The following MARK3 variants were observed in gnomAD, a reference collection of about 807,000 sequenced individuals.
MARK3 encodes MAP/microtubule affinity-regulating kinase 3.
A neutral mutation model predicts 90.1 loss-of-function variants in MARK3; 46 were observed. The ratio of observed to expected loss-of-function variants is 0.51; its 90% CI spans 0.40 to 0.65. The LOEUF (loss-of-function observed/expected upper bound fraction) is 0.65. Among genes scored for constraint, MARK3 ranks in the 30% least tolerant of loss-of-function variants. The pLI is 0.00. For missense variants in MARK3, 818 were observed against 947.2 expected (o/e 0.86, Z 1.79); for synonymous variants, 321 against 332.6 (o/e 0.97, Z 0.38).
chr14:103,479,829 G>A (rs1402966886), intron 13 of MARK3, among the ~76,000 whole-genome samples: 2 of 151,894 alleles, frequency 1.3e-5, no homozygotes, highest in Admixed American at 6.6e-5. Context: ...TAGCAGAGAC[G>A]GGTTTTCTCC....
intron 12 of MARK3, among the ~76,000 whole-genome samples, chr14:103,474,686 A>C (rs1016161221): frequency 6.6e-6 from 1 of 152,150 alleles, no homozygotes; most frequent in Non-Finnish European, 1.5e-5. Flanking sequence ...CTTGTTACGT[A>C]TGCATCTAAT....
chr14:103,422,477 T>G (rs1045096143), intron 2 of MARK3, among the ~76,000 whole-genome samples: 1 of 151,996 alleles, frequency 6.6e-6, no homozygotes. Flanking sequence ...AAAAGAAACG[T>G]AACATACATA....
At chr14:103,462,320 T>A (rs4906326) in intron 6 of MARK3, 85 bp from the exon 7 acceptor site, 931,492 of 942,642 alleles carry the variant, frequency 0.99, 460,563 homozygotes, top group East Asian at 1. Flanking sequence ...TGAGTATTCA[T>A]TATGTGTGAA....
Position 103,442,950 on chromosome 14 carries a change from C to CA in MARK3, c.298-5969_298-5968insA, listed in dbSNP as rs1248757643. On this transcript the variant is annotated intron_variant, in intron 3 of 17. Coordinates refer to ENST00000429436, the MANE Select transcript of MARK3 (RefSeq NM_001128918.3). ...CAAAACTTTGGTGGGTGTCCCCCCCCCTCCCACCGACAAGGAAGTGAGAAG... is the reference window on the plus strand; with the variant it reads ...CAAAACTTTGGTGGGTGTCCCCCCCCACTCCCACCGACAAGGAAGTGAGAAG... 2.0e-5 allele frequency among the ~76,000 whole-genome samples: 3 copies of CA among 150,442 alleles called. 1 individual carries two copies. The highest frequency in any genetic ancestry group is 3.2e-3 in the Middle Eastern group (1 of 310).
chr14:103,503,549 C>G lies in MARK3; in HGVS notation c.*322C>G. On this transcript the variant is annotated 3_prime_UTR_variant, in exon 18 of 18. Coordinates refer to ENST00000429436, the MANE Select transcript of MARK3 (RefSeq NM_001128918.3). ...TGAAGTGGTGTATATGGAAGCATCTCCCTACACTGGCAGCCAGTCATTACT... is the reference window on the plus strand; with the variant it reads ...TGAAGTGGTGTATATGGAAGCATCTGCCTACACTGGCAGCCAGTCATTACT... 3.6e-6 allele frequency: 1 copy of G among 280,762 alleles called. No individual in the cohort carries two copies. Among genetic ancestry groups the G allele is most frequent in the South Asian group, 6.2e-5 (1 of 16,216 alleles). 17.4% of individuals were successfully genotyped at this position (280,762 alleles called of 1,614,324 possible). A position where few individuals can be genotyped will look rare whatever the true frequency, so the allele number is the denominator to read the frequency against.
chr14:103,469,834 G>T (rs981325159), intron 12 of MARK3, among the ~76,000 whole-genome samples: 1 of 151,914 alleles, frequency 6.6e-6, no homozygotes, highest in East Asian at 2.0e-4. Flanking sequence ...AGGCCGAGGC[G>T]TGTGGATCAC....
intron 6 of MARK3, among the ~76,000 whole-genome samples, chr14:103,461,379 T>G (rs1031966549): frequency 6.6e-6 from 1 of 152,190 alleles, no homozygotes; most frequent in African/African-American, 2.4e-5. Flanking sequence ...TTTTTTTAAG[T>G]GACCGTAAGT....
At chr14:103,445,985 ATTTCAGTTGTGTGCCAGCCTTGG>A (rs1393277100) in intron 3 of MARK3, among the ~76,000 whole-genome samples, 1 of 152,230 alleles carries the variant, frequency 6.6e-6, no homozygotes, top group Non-Finnish European at 1.5e-5. Context: ...AAACAAATGC[ATTTCAGTTGTGTGCCAGCCTTGG>A]TTTCAGGTAT....
chr14:103,397,493 A>AT (rs2090657223), intron 1 of MARK3, among the ~76,000 whole-genome samples: 1 of 151,616 alleles, frequency 6.6e-6, no homozygotes, highest in South Asian at 2.1e-4. Context: ...TGCCTGGCTA[A>AT]TTTTTTTATT....
chr14:103,478,760 A>G (rs2093764788), intron 13 of MARK3, among the ~76,000 whole-genome samples: 1 of 152,084 alleles, frequency 6.6e-6, no homozygotes, highest in Non-Finnish European at 1.5e-5. Flanking sequence ...TCTGGTCTCG[A>G]ACTCCCGACC....
At chr14:103,454,481 C>A (rs1212864779) in intron 5 of MARK3, among the ~76,000 whole-genome samples, 1 of 152,104 alleles carries the variant, frequency 6.6e-6, no homozygotes, top group African/African-American at 2.4e-5. Context: ...AACTCCTGAC[C>A]TCAAGTGATC....
chr14:103,499,414 C>A (rs757065608), intron 16 of MARK3: 1 of 152,202 alleles, frequency 6.6e-6, no homozygotes, highest in Non-Finnish European at 1.5e-5. Flanking sequence ...GAGCCATGAT[C>A]ATGCCACTGT....
At chr14:103,488,338 C>G (rs1422458859) in intron 14 of MARK3, among the ~76,000 whole-genome samples, 1 of 152,138 alleles carries the variant, frequency 6.6e-6, no homozygotes. Context: ...CACAGCTGTG[C>G]TCAAGCAGAA....
rs1319252278 is a variant in MARK3 at position 103,465,763 on chromosome 14, C to T, written c.747C>T (p.Gly249=). 1 of 1,614,022 alleles carries T rather than the reference C, an allele frequency of 6.2e-7. No individual in the cohort carries two copies. The highest frequency in any genetic ancestry group is 8.5e-7 in the Non-Finnish European group (1 of 1,179,950). ...LGVILYTLVS[G]SLPFDGQNLK... ...TCATTTTATACACACTAGTCAGTGGCTCACTTCCCTTTGATGGGCAAAACC... is the reference window on the plus strand; with the variant it reads ...TCATTTTATACACACTAGTCAGTGGTTCACTTCCCTTTGATGGGCAAAACC... The change falls in exon 8 of 18, where the codon GGC becomes GGT. Residue 249 remains glycine, a synonymous_variant. Coordinates refer to ENST00000429436, the MANE Select transcript of MARK3 (RefSeq NM_001128918.3).
chr14:103,448,981 T>C lies in MARK3; in HGVS notation c.346+14T>C. On this transcript the variant is annotated intron_variant, in intron 4 of 17. Transcript: ENST00000429436. Reference sequence around the variant, plus strand: ...ATCCCAATATAGGTACTTTCTGCTTTTTTAAATATTTTGGGGTCTAAATAC... The same window carrying C: ...ATCCCAATATAGGTACTTTCTGCTTCTTTAAATATTTTGGGGTCTAAATAC... The C allele has an allele frequency of 6.4e-7, 1 of 1,562,846 alleles. No homozygotes were observed. The highest frequency in any genetic ancestry group is 2.3e-5 in the East Asian group (1 of 44,008).
At chr14:103,419,638 A>G (rs147425178) in intron 2 of MARK3, among the ~76,000 whole-genome samples, 452 of 152,214 alleles carry the variant, frequency 3.0e-3, no homozygotes, top group Middle Eastern at 0.01. Context: ...TGTAGCTACA[A>G]AAGGAAGGGA....
intron 13 of MARK3, among the ~76,000 whole-genome samples, chr14:103,475,469 AC>A (rs1037713568): frequency 0.027 from 7 of 262 alleles, no homozygotes; most frequent in African/African-American, 0.033. Flanking sequence ...TTATTTCTTA[AC>A]AATTCTGGAG....
At chr14:103,402,004 T>C (rs2090992149) in intron 1 of MARK3, among the ~76,000 whole-genome samples, 1 of 152,204 alleles carries the variant, frequency 6.6e-6, no homozygotes, top group Non-Finnish European at 1.5e-5. Flanking sequence ...TAGAGTCTAC[T>C]GGCTGATGTC....
chr14:103,410,990 A>G (rs754235395), intron 2 of MARK3, among the ~76,000 whole-genome samples: 1 of 152,156 alleles, frequency 6.6e-6, no homozygotes, highest in South Asian at 2.1e-4. Context: ...AAACAGTTCT[A>G]TAGGCCGGGT....
Sources: gnomAD v4.1 joint callset for allele counts (sites outside exome capture counted in the v4.1 genomes callset) on GRCh38, gnomAD v4.1.1 for gene constraint, MANE v1.5 for transcripts, NCBI Gene and HGNC (gene_info 2026-07-23, HGNC 2026-07-21) for gene names.